SORCS3: variants seen among roughly 807,000 people sequenced by gnomAD.
The protein encoded by SORCS3 is VPS10 domain-containing receptor SorCS3.
Under a neutral mutation model 146.3 loss-of-function variants are expected in SORCS3, and 57 were observed. That is an observed-to-expected ratio of 0.39 (90% confidence interval 0.31 to 0.49). The LOEUF is 0.49. Ranked by LOEUF, SORCS3 falls within the 20% of genes least tolerant of loss-of-function variation. The probability of loss-of-function intolerance (pLI) is 0.92; values close to 1 mark genes in which losing one functional copy is unlikely to be tolerated. For missense variants in SORCS3, 1,341 were observed against 1,575.5 expected (o/e 0.85, Z 2.52); for synonymous variants, 653 against 618.5 (o/e 1.06, Z -0.83).
In SORCS3 at chr10:104,741,180, A is replaced by G. The variant is rs149827079; in HGVS notation, c.627+99226A>G. Among the ~76,000 whole-genome samples, 3 of 118,232 alleles carry G rather than the reference A, an allele frequency of 2.5e-5. No homozygotes were observed. In the East Asian group the frequency reaches 7.1e-4, roughly 28 times the overall value. The allele number at this position is 118,232 out of a possible 152,430, so 77.6% of individuals were successfully genotyped here. On this transcript the variant is annotated intron_variant, in intron 1 of 26. Transcript: ENST00000369701. ...TTGCCAGGGTCTTGCTATGTTGCCC[A>G]GGTTGTTCTCAAACTCTTGGCCTTA...
At chr10:105,259,994 A>C (rs2056951651) in intron 25 of SORCS3, among the ~76,000 whole-genome samples, 1 of 152,214 alleles carries the variant, frequency 6.6e-6, no homozygotes, top group African/African-American at 2.4e-5. Context: ...TTATATTCTC[A>C]ACAGTCCTAC....
chr10:105,036,115 G>C (rs552974321), intron 4 of SORCS3, among the ~76,000 whole-genome samples: 1 of 152,154 alleles, frequency 6.6e-6, no homozygotes, highest in African/African-American at 2.4e-5. Context: ...TGGTACTTTT[G>C]TAGGAAGATG....
chr10:105,020,465 G>A (rs2055191943), intron 4 of SORCS3, among the ~76,000 whole-genome samples: 1 of 152,062 alleles, frequency 6.6e-6, no homozygotes, highest in Admixed American at 6.6e-5. Context: ...TATTCTCTGT[G>A]CAAACCCTCT....
chr10:104,647,580 C>T (rs1051068196), intron 1 of SORCS3, among the ~76,000 whole-genome samples: 8 of 152,160 alleles, frequency 5.3e-5, no homozygotes, highest in Non-Finnish European at 1.0e-4. Flanking sequence ...AGTGCGAGTT[C>T]TGTTCTTCTC....
intron 4 of SORCS3, among the ~76,000 whole-genome samples, chr10:105,003,505 T>C (rs907159601): frequency 6.6e-6 from 1 of 152,146 alleles, no homozygotes; most frequent in Non-Finnish European, 1.5e-5. Flanking sequence ...TCTGATTCCA[T>C]GATTAAATGG....
intron 14 of SORCS3, among the ~76,000 whole-genome samples, chr10:105,182,498 G>A (rs2056449460): frequency 6.6e-6 from 1 of 152,108 alleles, no homozygotes; most frequent in African/African-American, 2.4e-5. Context: ...ACCAAGATGT[G>A]TGGGGAAACA....
At chr10:104,710,594 TGAAGTGAC>T (rs2016403540) in intron 1 of SORCS3, among the ~76,000 whole-genome samples, 1 of 152,178 alleles carries the variant, frequency 6.6e-6, no homozygotes, top group African/African-American at 2.4e-5. Context: ...AAAGCCAGAA[TGAAGTGAC>T]GAAGAACATT....
intron 11 of SORCS3, among the ~76,000 whole-genome samples, chr10:105,162,834 C>T (rs1461333966): frequency 1.3e-5 from 2 of 152,166 alleles, no homozygotes; most frequent in Non-Finnish European, 2.9e-5. Flanking sequence ...CAACAGTGCT[C>T]CTGCCTCCCT....
At chr10:104,831,856 A>G (rs2018004406) in intron 1 of SORCS3, among the ~76,000 whole-genome samples, 2 of 152,058 alleles carry the variant, frequency 1.3e-5, no homozygotes, top group Admixed American at 1.3e-4. Flanking sequence ...GTGATGGGGG[A>G]GGGGGGTGTG....
At position 104,812,996 on chromosome 10, in the gene SORCS3, AG is replaced by A. The variant is rs529220644; in HGVS notation, c.628-29793del. 1.2e-3 allele frequency among the ~76,000 whole-genome samples: 177 copies of A among 152,322 alleles called. 2 individuals are homozygous for A. Among genetic ancestry groups the A allele is most frequent in the African/African-American group, 4.1e-3 (172 of 41,578 alleles). On this transcript the variant is annotated intron_variant, in intron 1 of 26. Coordinates refer to ENST00000369701, the MANE Select transcript of SORCS3 (RefSeq NM_014978.3). Reference sequence around the variant, plus strand: ...GCCCCCAGCTCTAACTTCAAAACACAGGGCCTTGGTCTTTAGTTCCAAAATC... The same window carrying A: ...GCCCCCAGCTCTAACTTCAAAACACAGGCCTTGGTCTTTAGTTCCAAAATC...
chr10:105,129,787 A>G (rs887740934), intron 7 of SORCS3, among the ~76,000 whole-genome samples: 3 of 152,118 alleles, frequency 2.0e-5, no homozygotes, highest in Non-Finnish European at 2.9e-5. Flanking sequence ...AAGCCAGAAC[A>G]CAAAGATAAG....
chr10:104,855,947 G>T (rs898541331), intron 2 of SORCS3, among the ~76,000 whole-genome samples: 7 of 152,008 alleles, frequency 4.6e-5, no homozygotes, highest in Non-Finnish European at 8.8e-5. Flanking sequence ...TGTTGTCCAG[G>T]CTGGTCTTGT....
chr10:105,046,646 A>G (rs2055374534), intron 5 of SORCS3, among the ~76,000 whole-genome samples: 1 of 152,170 alleles, frequency 6.6e-6, no homozygotes, highest in Non-Finnish European at 1.5e-5. Context: ...AGAGCACGGA[A>G]CATAATATTC....
chr10:105,131,371 T>A (rs886065547), intron 7 of SORCS3, among the ~76,000 whole-genome samples: 2 of 152,144 alleles, frequency 1.3e-5, no homozygotes, highest in African/African-American at 4.8e-5. Flanking sequence ...ATTATTCACA[T>A]AATATTCGAT....
chr10:104,727,989 G>T (rs545047268), intron 1 of SORCS3, among the ~76,000 whole-genome samples: 1 of 152,074 alleles, frequency 6.6e-6, no homozygotes, highest in African/African-American at 2.4e-5. Flanking sequence ...GTGCCAAAAA[G>T]GTTGGGGACC....
chr10:105,135,998 GT>G (rs537063896), intron 7 of SORCS3, among the ~76,000 whole-genome samples: 2 of 151,796 alleles, frequency 1.3e-5, no homozygotes, highest in Admixed American at 6.6e-5. Flanking sequence ...GCAATATAGG[GT>G]TTTTTTTCTA....
intron 1 of SORCS3, among the ~76,000 whole-genome samples, chr10:104,681,276 G>A (rs1246476980): frequency 6.6e-6 from 1 of 152,146 alleles, no homozygotes; most frequent in Non-Finnish European, 1.5e-5. Flanking sequence ...GCGCAGCAGT[G>A]CCGCAGGCTT....
intron 5 of SORCS3, among the ~76,000 whole-genome samples, chr10:105,074,489 G>A (rs1220713079): frequency 1.3e-5 from 2 of 151,948 alleles, no homozygotes; most frequent in African/African-American, 2.4e-5. Context: ...GGGGAGGCAG[G>A]CAGTATTCAA....
chr10:105,183,363 G>T (rs1370710322), intron 14 of SORCS3, among the ~76,000 whole-genome samples: 1 of 151,492 alleles, frequency 6.6e-6, no homozygotes, highest in Non-Finnish European at 1.5e-5. Flanking sequence ...AGCTGCAGAG[G>T]TTTTTTTTTC....
Sources: gnomAD v4.1 joint callset for allele counts (sites outside exome capture counted in the v4.1 genomes callset) on GRCh38, gnomAD v4.1.1 for gene constraint, MANE v1.5 for transcripts, NCBI Gene and HGNC (gene_info 2026-07-23, HGNC 2026-07-21) for gene names.